BEST3: variants seen among roughly 807,000 people sequenced by gnomAD.
BEST3 encodes bestrophin-3.
A neutral mutation model predicts 47.1 loss-of-function variants in BEST3; 50 were observed. The observed-to-expected ratio is 1.06, with a 90% CI of 0.85 to 1.34. The LOEUF (loss-of-function observed/expected upper bound fraction) is 1.34, where lower values mean the gene tolerates loss of function less well. Ranked by LOEUF, BEST3 falls within the 40% of genes most tolerant of loss-of-function variation. The pLI is 0.00. For missense variants in BEST3, 765 were observed against 817.0 expected (o/e 0.94, Z 0.78); for synonymous variants, 282 against 298.8 (o/e 0.94, Z 0.58).
At chr12:69,684,433 C>T (rs1045588145) in intron 4 of BEST3, 5 of 466,870 alleles carry the variant, frequency 1.1e-5, no homozygotes, top group Non-Finnish European at 2.0e-5. Flanking sequence ...GACAAAATTC[C>T]AGTCATCATA....
Position 69,653,736 on chromosome 12 carries a change from A to G in BEST3, c.*1171T>C. On this transcript the variant is annotated 3_prime_UTR_variant, in exon 10 of 10. Transcript: ENST00000330891. Reference sequence around the variant, plus strand: ...GAGCCCACGACAAACAGCTGTCCTGAGAGCTCCCTGGGAGGAGTACCAACA... The same window carrying G: ...GAGCCCACGACAAACAGCTGTCCTGGGAGCTCCCTGGGAGGAGTACCAACA... 3 of 985,434 alleles carry G rather than the reference A, an allele frequency of 3.0e-6. No homozygotes were observed. Among genetic ancestry groups the G allele is most frequent in the Non-Finnish European group, 3.6e-6 (3 of 829,954 alleles). 61.0% of individuals were successfully genotyped at this position (985,434 alleles called of 1,614,324 possible).
At chr12:69,650,968 A>G (rs777967681), downstream of BEST3, among the ~76,000 whole-genome samples, 1 of 152,238 alleles carries the variant, frequency 6.6e-6, no homozygotes. Context: ...TTTCTGAGCC[A>G]GGCACAGTGG....
At chr12:69,670,248 C>T in intron 9 of BEST3, 1 of 546,406 alleles carries the variant, frequency 1.8e-6, no homozygotes, top group Non-Finnish European at 3.3e-6. Context: ...TGAGAATACA[C>T]TGAGGGCAGG....
In BEST3 at chr12:69,680,310, CTT is replaced by C. The variant is rs1555207049; in HGVS notation, c.482-1419_482-1418del. ...TTAAAACTTACAGTTTACACTTGAT[CTT>C]TTTTTTTTTTTTTTTAGATGGAGTC... On this transcript the variant is annotated intron_variant, in intron 4 of 9. Transcript: ENST00000330891. Among the ~76,000 whole-genome samples, 9 of 95,032 alleles carry C rather than the reference CTT, an allele frequency of 9.5e-5. 1 individual carries two copies. The highest frequency in any genetic ancestry group is 2.1e-4 in the African/African-American group (5 of 23,386). 62.3% of individuals were successfully genotyped at this position (95,032 alleles called of 152,430 possible). A position where few individuals can be genotyped will look rare whatever the true frequency, so the allele number is the denominator to read the frequency against.
chr12:69,693,672 A>C lies in BEST3; in HGVS notation c.481+2T>G. On this transcript the variant is annotated splice_donor_variant, in intron 4 of 9. Transcript: ENST00000330891. LOFTEE classifies it high-confidence loss of function. ...CATGGAAGGAAAAGCCATTCATAGT[A>C]CCTGCTTCAACCACGTGGTCCATTG... 1 of 1,602,536 alleles carries C rather than the reference A, an allele frequency of 6.2e-7. No individual in the cohort carries two copies.
chr12:69,684,679 C>A (rs1038188531), intron 4 of BEST3: 19 of 560,366 alleles, frequency 3.4e-5, no homozygotes, highest in Non-Finnish European at 6.6e-5. Flanking sequence ...AGGAAGAGTG[C>A]AACGTGCCTG....
rs80273866 is a variant in BEST3 at position 69,656,495 on chromosome 12, G to A, written c.1101-682C>T. 3.1e-3 allele frequency among the ~76,000 whole-genome samples: 476 copies of A among 151,948 alleles called. 2 individuals carry two copies. The highest frequency in any genetic ancestry group is 0.01 in the African/African-American group (428 of 41,416). On this transcript the variant is annotated intron_variant, in intron 9 of 9. Coordinates refer to ENST00000330891, the MANE Select transcript of BEST3 (RefSeq NM_032735.3). ...AACCCCCCTTAACAATGGATCATAG[G>A]TAAATTCACGAGCGTGCGATGCCCA...
chr12:69,698,928 G>C (rs1486487753), intron 1 of BEST3, among the ~76,000 whole-genome samples: 2 of 152,188 alleles, frequency 1.3e-5, no homozygotes, highest in African/African-American at 4.8e-5. Context: ...ACAAAAGGAT[G>C]GGACTCATGC....
intron 4 of BEST3, chr12:69,683,741 G>C (rs1885392001): frequency 6.6e-6 from 1 of 152,166 alleles, no homozygotes. Context: ...ACGTCATCAG[G>C]ACCACCTGAG....
intron 9 of BEST3, among the ~76,000 whole-genome samples, chr12:69,667,495 C>G (rs899053761): frequency 2.0e-5 from 3 of 152,104 alleles, no homozygotes; most frequent in South Asian, 2.1e-4. Context: ...TGGGTTTCAC[C>G]ATGTTGGCCA....
At chr12:69,697,617 C>T (rs1886180333) in intron 2 of BEST3, 30 bp downstream of exon 2, 6 of 1,497,994 alleles carry the variant, frequency 4.0e-6, no homozygotes, top group Non-Finnish European at 5.4e-6. Flanking sequence ...TATCTGATGG[C>T]CATTTAAGGA....
chr12:69,650,196 G>C (rs969556630), downstream of BEST3, among the ~76,000 whole-genome samples: 4 of 152,230 alleles, frequency 2.6e-5, no homozygotes, highest in Admixed American at 2.6e-4. Flanking sequence ...AAGAGAGAGA[G>C]TTTGGAGAGA....
chr12:69,685,092 A>G (rs1427802567), intron 4 of BEST3, among the ~76,000 whole-genome samples: 1 of 151,982 alleles, frequency 6.6e-6, no homozygotes, highest in Non-Finnish European at 1.5e-5. Context: ...AACCTGATTT[A>G]AGAATCCCAT....
At chr12:69,647,631 T>C (rs2135894434) in intron 9 of BEST3, among the ~76,000 whole-genome samples, 1 of 152,296 alleles carries the variant, frequency 6.6e-6, no homozygotes, top group South Asian at 2.1e-4. Context: ...CAACAAAACT[T>C]ATCCCTACTT....
chr12:69,685,633 T>C (rs1885534862), intron 4 of BEST3, among the ~76,000 whole-genome samples: 1 of 152,152 alleles, frequency 6.6e-6, no homozygotes, highest in Non-Finnish European at 1.5e-5. Context: ...TGCTGATCAT[T>C]TCAGCATTCT....
downstream of BEST3, chr12:69,653,588 G>T (rs534682899): frequency 9.5e-6 from 9 of 952,252 alleles, no homozygotes; most frequent in South Asian, 2.9e-4. Flanking sequence ...GCCTGGAACA[G>T]TGTAAGCACT....
Position 69,655,623 on chromosome 12 carries a change from G to A in BEST3, c.1291C>T (p.Pro431Ser). ...SMFLPRDDLS[P>S]ARDLLDVPSR... ...GGCACATCCAGTAGGTCCCTGGCTG[G>A]GCTGAGGTCATCTCGGGGTAAGAAC... The change falls in exon 10 of 10, where the codon CCA becomes TCA. Residue 431 changes from proline to serine, a missense_variant. Physicochemically the swap from Pro to Ser is moderately conservative, Grantham distance 74 (BLOSUM62 -1). Transcript: ENST00000330891. 6.2e-7 allele frequency: 1 copy of A among 1,614,014 alleles called. No individual in the cohort carries two copies. The highest frequency in any genetic ancestry group is 8.5e-7 in the Non-Finnish European group (1 of 1,180,014).
At position 69,653,947 on chromosome 12, in the gene BEST3, T is replaced by C. The variant is rs997144783; in HGVS notation, c.*960A>G. The C allele has an allele frequency of 2.0e-6, 2 of 985,372 alleles. No homozygotes were observed. The highest frequency in any genetic ancestry group is 3.5e-5 in the African/African-American group (2 of 57,258). 61.0% of individuals were successfully genotyped at this position (985,372 alleles called of 1,614,324 possible). ...TCTTTGGTTCCATAGCATTTGGCTATGCAAATTTCATATTCTCTTGGCTTC... is the reference window on the plus strand; with the variant it reads ...TCTTTGGTTCCATAGCATTTGGCTACGCAAATTTCATATTCTCTTGGCTTC... On this transcript the variant is annotated 3_prime_UTR_variant, in exon 10 of 10. Coordinates refer to ENST00000330891, the MANE Select transcript of BEST3 (RefSeq NM_032735.3).
chr12:69,688,326 A>C (rs556543889), intron 4 of BEST3, among the ~76,000 whole-genome samples: 2 of 152,356 alleles, frequency 1.3e-5, no homozygotes, highest in South Asian at 2.1e-4. Flanking sequence ...AAAGTAACAG[A>C]GACTGTTGCA....
Sources: gnomAD v4.1 joint callset for allele counts (sites outside exome capture counted in the v4.1 genomes callset) on GRCh38, gnomAD v4.1.1 for gene constraint, MANE v1.5 for transcripts, NCBI Gene and HGNC (gene_info 2026-07-23, HGNC 2026-07-21) for gene names.